The following GRIK1 variants were observed in gnomAD, a reference collection of about 807,000 sequenced individuals.
GRIK1 encodes glutamate receptor ionotropic, kainate 1.
GRIK1 carries 69 observed loss-of-function variants against 105.7 expected under a neutral mutation model. That is an observed-to-expected ratio of 0.65 (90% confidence interval 0.54 to 0.80). GRIK1 has a LOEUF of 0.80. Among genes scored for constraint, GRIK1 ranks in the 30% least tolerant of loss-of-function variants. The probability of loss-of-function intolerance (pLI) is 0.00; values close to 1 mark genes in which losing one functional copy is unlikely to be tolerated. For synonymous variants in GRIK1, 438 were observed against 431.3 expected (o/e 1.02, Z -0.19); for missense variants, 1,109 against 1,167.3 (o/e 0.95, Z 0.73).
intron 1 of GRIK1, among the ~76,000 whole-genome samples, chr21:29,885,630 C>A (rs192235515): frequency 1.3e-3 from 205 of 152,152 alleles, no homozygotes; most frequent in Middle Eastern, 6.8e-3. Context: ...TCTATCATAG[C>A]ATCAATGATT....
intron 1 of GRIK1, among the ~76,000 whole-genome samples, chr21:29,931,586 G>A (rs2071564776): frequency 6.6e-6 from 1 of 152,086 alleles, no homozygotes; most frequent in African/African-American, 2.4e-5. Flanking sequence ...ATATCAGTAT[G>A]CACTCATGGG....
At chr21:29,804,081 T>C (rs1050628506) in intron 1 of GRIK1, among the ~76,000 whole-genome samples, 9 of 152,144 alleles carry the variant, frequency 5.9e-5, no homozygotes, top group African/African-American at 1.9e-4. Context: ...TTAGATGTCT[T>C]GACCCCATCG....
At chr21:29,654,952 CAT>C (rs1257978197) in intron 4 of GRIK1, 89 bp from the exon 5 acceptor site, 6 of 845,780 alleles carry the variant, frequency 7.1e-6, no homozygotes, top group Admixed American at 1.7e-5. Flanking sequence ...TGCTTGGAAA[CAT>C]AGAACAGGAA....
Position 29,872,915 on chromosome 21 carries a change from C to G in GRIK1, c.118+66468G>C, listed in dbSNP as rs192531082. On this transcript the variant is annotated intron_variant, in intron 1 of 17. Transcript: ENST00000327783. ...GGGGATGCAGCCAAACCATATCAAACCCAATATATTTGTGGCCAGTTAGGA... is the reference window on the plus strand; with the variant it reads ...GGGGATGCAGCCAAACCATATCAAAGCCAATATATTTGTGGCCAGTTAGGA... 3.3e-5 allele frequency among the ~76,000 whole-genome samples: 5 copies of G among 152,198 alleles called. No homozygotes were observed. In the East Asian group the frequency reaches 9.7e-4, roughly 29 times the overall value.
chr21:29,721,908 C>A (rs2064332927), intron 1 of GRIK1, among the ~76,000 whole-genome samples: 1 of 152,070 alleles, frequency 6.6e-6, no homozygotes, highest in Non-Finnish European at 1.5e-5. Flanking sequence ...CCAAGGAATG[C>A]AATAGACAAA....
At chr21:29,827,481 A>G (rs2067493861) in intron 1 of GRIK1, among the ~76,000 whole-genome samples, 5 of 152,152 alleles carry the variant, frequency 3.3e-5, no homozygotes, top group Admixed American at 3.3e-4. Flanking sequence ...TATGGCACTC[A>G]TAAGTCCAGA....
chr21:29,682,919 C>A (rs951236773), intron 3 of GRIK1, among the ~76,000 whole-genome samples: 3 of 150,732 alleles, frequency 2.0e-5, no homozygotes, highest in Admixed American at 6.6e-5. Flanking sequence ...CTATAAAGAA[C>A]TTACATCAAC....
At chr21:29,748,732 A>G (rs938065955) in intron 1 of GRIK1, 2 of 152,240 alleles carry the variant, frequency 1.3e-5, no homozygotes, top group African/African-American at 2.4e-5. Flanking sequence ...TACTAAAGCT[A>G]CTGGTAGAAA....
chr21:29,768,701 A>G (rs1428800503), intron 1 of GRIK1, among the ~76,000 whole-genome samples: 1 of 152,154 alleles, frequency 6.6e-6, no homozygotes, highest in African/African-American at 2.4e-5. Context: ...AGGAAGAGAG[A>G]GGCAGCCAGA....
chr21:29,562,720 T>C (rs139584058), intron 14 of GRIK1, among the ~76,000 whole-genome samples: 4 of 146,186 alleles, frequency 2.7e-5, no homozygotes, highest in African/African-American at 1.0e-4. Context: ...ATAATTTTAA[T>C]TGTAATCATA....
chr21:29,886,375 A>T (rs1328854633), intron 1 of GRIK1, among the ~76,000 whole-genome samples: 1 of 152,138 alleles, frequency 6.6e-6, no homozygotes, highest in East Asian at 1.9e-4. Flanking sequence ...CCAATATTGG[A>T]ACAGTTTTGA....
intron 1 of GRIK1, among the ~76,000 whole-genome samples, chr21:29,929,098 A>G (rs1295814092): frequency 1.3e-5 from 2 of 152,140 alleles, no homozygotes; most frequent in Non-Finnish European, 2.9e-5. Context: ...CAATAAAATA[A>G]AGCAGATACT....
intron 1 of GRIK1, among the ~76,000 whole-genome samples, chr21:29,788,623 T>C (rs775354459): frequency 3.9e-5 from 6 of 152,258 alleles, no homozygotes; most frequent in Non-Finnish European, 8.8e-5. Context: ...TATTGTGCAC[T>C]TTATTTCTAT....
At chr21:29,650,876 G>A (rs1245066027) in intron 6 of GRIK1, among the ~76,000 whole-genome samples, 1 of 152,154 alleles carries the variant, frequency 6.6e-6, no homozygotes, top group Non-Finnish European at 1.5e-5. Flanking sequence ...GGCTGATAAT[G>A]GTGATTACTC....
chr21:29,656,354 C>CA (rs3054331), intron 4 of GRIK1, among the ~76,000 whole-genome samples: 1,793 of 50,926 alleles, frequency 0.035, 417 homozygotes, highest in East Asian at 0.07. Context: ...GAGCGAGACT[C>CA]AAAAAAAAAA....
intron 1 of GRIK1, among the ~76,000 whole-genome samples, chr21:29,751,922 G>A (rs1033090412): frequency 6.6e-6 from 1 of 152,220 alleles, no homozygotes; most frequent in Non-Finnish European, 1.5e-5. Flanking sequence ...CATTCACAAA[G>A]TTAATGAGGA....
intron 1 of GRIK1, among the ~76,000 whole-genome samples, chr21:29,877,287 A>G (rs111800611): frequency 6.7e-4 from 102 of 152,268 alleles, no homozygotes; most frequent in African/African-American, 2.0e-3. Context: ...AAGGACTTTT[A>G]ATCCTTAATT....
chr21:29,775,489 T>C (rs2065920230), intron 1 of GRIK1, among the ~76,000 whole-genome samples: 1 of 152,098 alleles, frequency 6.6e-6, no homozygotes, highest in African/African-American at 2.4e-5. Context: ...GCAACCAGCC[T>C]GGACAGGCTT....
At chr21:29,835,598 G>A (rs773607983) in intron 1 of GRIK1, among the ~76,000 whole-genome samples, 1 of 152,092 alleles carries the variant, frequency 6.6e-6, no homozygotes, top group Non-Finnish European at 1.5e-5. Context: ...GGACATTTTA[G>A]GGTATTAAAA....
Sources: allele counts gnomAD v4.1 joint callset (sites outside exome capture counted in the v4.1 genomes callset), GRCh38; gene constraint gnomAD v4.1.1; transcripts MANE v1.5; gene names NCBI Gene and HGNC (gene_info 2026-07-23, HGNC 2026-07-21).